The following IGFBP2 variants were observed in gnomAD, a reference collection of about 807,000 sequenced individuals.
IGFBP2 encodes insulin like growth factor binding protein 2, also known as insulin-like growth factor-binding protein 2.
Under a neutral mutation model 26.2 loss-of-function variants are expected in IGFBP2, and 12 were observed. The observed-to-expected ratio is 0.46, with a 90% CI of 0.29 to 0.74. The LOEUF is 0.74. Ranked by LOEUF, IGFBP2 falls within the 30% of genes least tolerant of loss-of-function variation. IGFBP2 has a pLI of 0.09. For missense variants in IGFBP2, 328 were observed against 441.2 expected (o/e 0.74, Z 2.30); for synonymous variants, 189 against 200.6 (o/e 0.94, Z 0.49).
rs267599203 is a variant in IGFBP2, at chr2:216,661,890, G to A, written c.705G>A (p.Leu235=). 1.2e-6 allele frequency: 2 copies of A among 1,614,218 alleles called. No homozygotes were observed. Among genetic ancestry groups the A allele is most frequent in the Non-Finnish European group, 1.7e-6 (2 of 1,180,036 alleles). ...TPCQQELDQV[L]ERISTMRLPD... is the part of the protein sequence containing the mutation. Reference sequence around the variant, plus strand: ...GCCAACAGGAACTGGACCAGGTCCTGGAGCGGATCTCCACCATGCGCCTTC... The same window carrying A: ...GCCAACAGGAACTGGACCAGGTCCTAGAGCGGATCTCCACCATGCGCCTTC... Residue 235 remains leucine, a synonymous_variant, in exon 3 of 4, where the codon CTG becomes CTA. Transcript: ENST00000233809.
chr2:216,659,792 G>A (rs994258328), intron 1 of IGFBP2: 144 of 1,476,824 alleles, frequency 9.8e-5, no homozygotes, highest in Non-Finnish European at 1.3e-4. Context: ...TCCTGTTCTT[G>A]GGGCTCTCAG....
rs750580804 is a variant in IGFBP2, at chr2:216,661,800, C to G, written c.673-58C>G. The G allele has an allele frequency of 3.7e-6, 6 of 1,603,962 alleles. No individual in the cohort carries two copies. The African/African-American group carries it at 8.0e-5, about 21-fold the overall frequency. ...CTTCTCGCTGAGCTTGCGTCTGGCG[C>G]GTGCTTCGTGGGCCTGCTGTCCTCA... On this transcript the variant is annotated intron_variant, in intron 2 of 3. Coordinates refer to ENST00000233809, the MANE Select transcript of IGFBP2 (RefSeq NM_000597.3).
chr2:216,649,418 T>C (rs1328958485), intron 1 of IGFBP2, among the ~76,000 whole-genome samples: 2 of 152,202 alleles, frequency 1.3e-5, no homozygotes, highest in African/African-American at 4.8e-5. Context: ...TGTGCACATG[T>C]AGAGAGAAGA....
chr2:216,658,666 C>T (rs188598089), intron 1 of IGFBP2, among the ~76,000 whole-genome samples: 249 of 152,248 alleles, frequency 1.6e-3, no homozygotes, highest in Admixed American at 3.8e-3. Flanking sequence ...TGTCCTGTGT[C>T]ACCCTTCTGA....
intron 1 of IGFBP2, among the ~76,000 whole-genome samples, chr2:216,660,211 A>G (rs1453930043): frequency 6.6e-6 from 1 of 152,046 alleles, no homozygotes; most frequent in Admixed American, 6.6e-5. Context: ...CCAGCCTTGT[A>G]AGAGGGTCCC....
intron 1 of IGFBP2, among the ~76,000 whole-genome samples, chr2:216,647,799 G>C (rs61564003): frequency 0.023 from 3,510 of 152,170 alleles, 118 homozygotes; most frequent in African/African-American, 0.078. Context: ...GGATTACAGG[G>C]GTGAGCCACT....
chr2:216,653,134 C>A (rs1211498897), intron 1 of IGFBP2, among the ~76,000 whole-genome samples: 1 of 152,148 alleles, frequency 6.6e-6, no homozygotes, highest in Admixed American at 6.5e-5. Flanking sequence ...GGACCGGGGC[C>A]ACACACTCTG....
intron 3 of IGFBP2, 120 bp downstream of exon 3, chr2:216,662,118 G>C: frequency 2.6e-6 from 3 of 1,162,314 alleles, no homozygotes; most frequent in Non-Finnish European, 3.7e-6. Flanking sequence ...GAGAGACTCA[G>C]ACTCCTGTCA....
intron 1 of IGFBP2, among the ~76,000 whole-genome samples, chr2:216,654,027 A>T (rs996266873): frequency 6.6e-5 from 10 of 152,208 alleles, no homozygotes; most frequent in Admixed American, 6.5e-4. Context: ...GGAGTTGCAT[A>T]CATAAGTGGT....
intron 1 of IGFBP2, chr2:216,659,506 G>A (rs1382286798): frequency 3.4e-6 from 2 of 583,404 alleles, no homozygotes; most frequent in Non-Finnish European, 6.2e-6. Context: ...GCTCGGCGGT[G>A]TGAGGCCCTG....
chr2:216,656,482 G>C (rs948160477), intron 1 of IGFBP2, among the ~76,000 whole-genome samples: 1 of 152,238 alleles, frequency 6.6e-6, no homozygotes, highest in Non-Finnish European at 1.5e-5. Context: ...GACTCCAGAA[G>C]AGTGATTCTC....
At chr2:216,636,048 C>T (rs1697488274) in intron 1 of IGFBP2, among the ~76,000 whole-genome samples, 1 of 151,702 alleles carries the variant, frequency 6.6e-6, no homozygotes, top group Non-Finnish European at 1.5e-5. Context: ...GAGGGGAGCA[C>T]TTTGGGAAGG....
chr2:216,663,946 A>T lies in IGFBP2; in HGVS notation c.820A>T (p.Met274Leu), dbSNP rs199850044. 4 of 1,613,776 alleles carry T rather than the reference A, an allele frequency of 2.5e-6. No homozygotes were observed. The highest frequency in any genetic ancestry group is 1.3e-5 in the African/African-American group (1 of 74,902). The change falls in exon 4 of 4, where the codon ATG becomes TTG. Residue 274 changes from methionine (M) to leucine (L), a missense_variant. Coordinates refer to ENST00000233809, the MANE Select transcript of IGFBP2 (RefSeq NM_000597.3). The part of the protein sequence containing the change: ...HGLYNLKQCK[M>L]SLNGQRGECW... ...TCTTCTCCTCTCTCCCCAGTGCAAG[A>T]TGTCTCTGAACGGGCAGCGTGGGGA...
At chr2:216,642,740 A>G (rs1413040152) in intron 1 of IGFBP2, among the ~76,000 whole-genome samples, 7 of 152,140 alleles carry the variant, frequency 4.6e-5, no homozygotes, top group African/African-American at 1.7e-4. Context: ...ACTATGGGGA[A>G]CAGAGGTGGC....
intron 1 of IGFBP2, among the ~76,000 whole-genome samples, chr2:216,659,236 C>T (rs1193956844): frequency 2.0e-5 from 3 of 152,156 alleles, no homozygotes; most frequent in African/African-American, 7.2e-5. Flanking sequence ...CGGTGCTGTC[C>T]CTGGCATGGA....
intron 1 of IGFBP2, among the ~76,000 whole-genome samples, chr2:216,642,158 C>A (rs989179182): frequency 1.3e-5 from 2 of 149,780 alleles, no homozygotes; most frequent in African/African-American, 4.9e-5. Flanking sequence ...GCCACCACGC[C>A]CAGCTAATTT....
At chr2:216,659,837 T>A in intron 1 of IGFBP2, 1 of 1,035,782 alleles carries the variant, frequency 9.7e-7, no homozygotes, top group East Asian at 2.6e-5. Flanking sequence ...ACAGACAGAC[T>A]TGGGAACGAG....
At chr2:216,634,071 C>G in intron 1 of IGFBP2, 106 bp downstream of exon 1, 1 of 1,414,958 alleles carries the variant, frequency 7.1e-7, no homozygotes, top group Admixed American at 2.6e-5. Context: ...AGAGCCGAGA[C>G]CTTGGACCAA....
intron 1 of IGFBP2, among the ~76,000 whole-genome samples, chr2:216,646,063 T>A (rs1697704142): frequency 6.6e-6 from 1 of 152,234 alleles, no homozygotes; most frequent in Non-Finnish European, 1.5e-5. Context: ...GGTGACCTAT[T>A]TAAAGACACT....
Sources: gnomAD v4.1 joint callset for allele counts (sites outside exome capture counted in the v4.1 genomes callset) on GRCh38, gnomAD v4.1.1 for gene constraint, MANE v1.5 for transcripts, NCBI Gene and HGNC (gene_info 2026-07-23, HGNC 2026-07-21) for gene names.